Variants in HHAT observed in about 807,000 individuals in gnomAD.
HHAT encodes hedgehog acyltransferase, also known as protein-cysteine N-palmitoyltransferase HHAT.
HHAT carries 47 observed loss-of-function variants against 70.8 expected under a neutral mutation model. The ratio of observed to expected loss-of-function variants is 0.66; its 90% CI spans 0.53 to 0.85. The LOEUF (loss-of-function observed/expected upper bound fraction) is 0.85, where lower values mean the gene tolerates loss of function less well. Among genes scored for constraint, HHAT ranks in the 40% least tolerant of loss-of-function variants. The pLI is 0.00. For missense variants in HHAT, 609 were observed against 604.8 expected, an observed-to-expected ratio of 1.01 and a Z score of -0.07; for synonymous variants, 228 against 247.6, an observed-to-expected ratio of 0.92 and a Z score of 0.74.
intron 8 of HHAT, among the ~76,000 whole-genome samples, chr1:210,510,858 G>A (rs559158596): frequency 3.3e-5 from 5 of 152,076 alleles, no homozygotes; most frequent in South Asian, 4.2e-4. Flanking sequence ...TATATACTGC[G>A]GATCTCTGTG....
chr1:210,516,903 C>G (rs2095066296), intron 9 of HHAT, among the ~76,000 whole-genome samples: 1 of 152,204 alleles, frequency 6.6e-6, no homozygotes, highest in African/African-American at 2.4e-5. Context: ...TCCTTTTAAG[C>G]CTTGGAGTGC....
At chr1:210,505,884 T>C (rs2094844383) in intron 8 of HHAT, among the ~76,000 whole-genome samples, 3 of 152,214 alleles carry the variant, frequency 2.0e-5, no homozygotes, top group Admixed American at 6.5e-5. Context: ...TTGCCACTCC[T>C]GGCCATAGTC....
chr1:210,351,899 A>G (rs2087061175), intron 2 of HHAT, among the ~76,000 whole-genome samples: 1 of 152,312 alleles, frequency 6.6e-6, no homozygotes, highest in African/African-American at 2.4e-5. Flanking sequence ...GAAGGGAAGG[A>G]AAGACTGCAC....
chr1:210,404,677 C>A lies in HHAT; in HGVS notation c.682C>A (p.Gln228Lys). The change falls in exon 6 of 12, where the codon CAG (glutamine) becomes AAG (lysine). Residue 228 changes from glutamine to lysine, a missense_variant and splice_region_variant. Physicochemically the swap from Gln to Lys is moderately conservative, Grantham distance 53 (BLOSUM62 1). Coordinates refer to ENST00000261458, the MANE Select transcript of HHAT (RefSeq NM_018194.6). ...CCTCAGCTTCTCGGAGTTCATCAAA[C>A]AGGTAGAGCCCGCTGGGGATGGGAT... ...PILSFSEFIK[Q>K]MQQQEHDSLK... 1 of 1,610,970 alleles carries A rather than the reference C, an allele frequency of 6.2e-7. No homozygotes were observed. The highest frequency in any genetic ancestry group is 8.5e-7 in the Non-Finnish European group (1 of 1,177,320).
At chr1:210,631,059 G>C (rs1428744668) in intron 11 of HHAT, 1 of 456,664 alleles carries the variant, frequency 2.2e-6, no homozygotes, top group Non-Finnish European at 4.4e-6. Context: ...GGGCTTTCCT[G>C]TGTTTCTGCA....
At chr1:210,373,980 GT>G (rs1488367224) in intron 3 of HHAT, among the ~76,000 whole-genome samples, 3 of 152,198 alleles carry the variant, frequency 2.0e-5, no homozygotes, top group Admixed American at 1.3e-4. Context: ...ACCAGGGAAA[GT>G]TACACAGACT....
chr1:210,674,174 G>A, intron 11 of HHAT, 114 bp from the exon 12 acceptor site: 1 of 787,772 alleles, frequency 1.3e-6, no homozygotes. Context: ...GACTTTCCTG[G>A]AGGCCTTTGT....
intron 9 of HHAT, among the ~76,000 whole-genome samples, chr1:210,578,919 A>T (rs557711960): frequency 6.6e-6 from 1 of 152,206 alleles, no homozygotes; most frequent in Non-Finnish European, 1.5e-5. Context: ...AAAGCCCATC[A>T]ATGGCAGATT....
chr1:210,532,414 A>G (rs760216731), intron 9 of HHAT, among the ~76,000 whole-genome samples: 15 of 152,204 alleles, frequency 9.9e-5, no homozygotes, highest in Non-Finnish European at 8.8e-5. Flanking sequence ...GAGGCCCAAG[A>G]TTCCAGTCCT....
rs147869616 is a variant in HHAT, at chr1:210,623,545, A to G, written c.1265A>G (p.Gln422Arg). The change falls in exon 11 of 12, where the codon CAA (glutamine) becomes CGA (arginine). Residue 422 changes from glutamine to arginine, a missense_variant. Gln to Arg is a conservative substitution (Grantham distance 43). Coordinates refer to ENST00000261458, the MANE Select transcript of HHAT (RefSeq NM_018194.6). Reference protein sequence around the residue: ...QDSLARYFSPQARRRFHAALA... With the variant: ...QDSLARYFSPRARRRFHAALA... ...CCGTAGGCCCGATACTTCTCCCCAC[A>G]AGCTCGCCGTCGATTCCACGCTGCC... 97 of 1,613,798 alleles carry G rather than the reference A, an allele frequency of 6.0e-5. No individual in the cohort carries two copies. Among genetic ancestry groups the G allele is most frequent in the Non-Finnish European group, 8.0e-5 (94 of 1,179,972 alleles).
At chr1:210,528,445 T>G (rs2095276051) in intron 9 of HHAT, among the ~76,000 whole-genome samples, 1 of 152,184 alleles carries the variant, frequency 6.6e-6, no homozygotes, top group African/African-American at 2.4e-5. Flanking sequence ...AAGATCAAAG[T>G]CAGTTTTAGG....
intron 11 of HHAT, among the ~76,000 whole-genome samples, chr1:210,639,283 T>A (rs12759579): frequency 0.17 from 25,260 of 151,910 alleles, 2,411 homozygotes; most frequent in African/African-American, 0.24. Flanking sequence ...AAAAACAAAA[T>A]ACAAAAAAAA....
intron 8 of HHAT, among the ~76,000 whole-genome samples, chr1:210,489,572 T>C (rs1558619827): frequency 6.6e-6 from 1 of 152,244 alleles, no homozygotes; most frequent in Admixed American, 6.5e-5. Context: ...AGCTTGTCAG[T>C]TCCCCTTGAC....
At chr1:210,662,231 T>TG (rs1255351875) in intron 11 of HHAT, among the ~76,000 whole-genome samples, 1 of 152,154 alleles carries the variant, frequency 6.6e-6, no homozygotes, top group Non-Finnish European at 1.5e-5. Context: ...CAGCCTTCGG[T>TG]GGCACCTTCA....
chr1:210,410,492 G>T (rs1391006987), intron 6 of HHAT, among the ~76,000 whole-genome samples: 7 of 122,464 alleles, frequency 5.7e-5, no homozygotes, highest in Admixed American at 1.6e-4. Flanking sequence ...AAGTTGGATT[G>T]TTTTTCTTTT....
intron 8 of HHAT, among the ~76,000 whole-genome samples, chr1:210,480,562 G>T (rs2094379733): frequency 6.6e-6 from 1 of 152,188 alleles, no homozygotes; most frequent in African/African-American, 2.4e-5. Context: ...TAGTTACTAA[G>T]GATTAATGCA....
intron 9 of HHAT, among the ~76,000 whole-genome samples, chr1:210,517,819 A>G (rs2095084081): frequency 6.7e-6 from 1 of 149,190 alleles, no homozygotes; most frequent in Non-Finnish European, 1.5e-5. Context: ...AATTTTTGTC[A>G]GTTAAAAAAT....
chr1:210,460,434 C>T (rs2093955410), intron 7 of HHAT, among the ~76,000 whole-genome samples: 3 of 152,164 alleles, frequency 2.0e-5, no homozygotes, highest in African/African-American at 7.2e-5. Flanking sequence ...CACCTAGAAC[C>T]ATGCTTGGCA....
chr1:210,438,174 T>G (rs1406683601), intron 7 of HHAT, among the ~76,000 whole-genome samples: 3 of 149,578 alleles, frequency 2.0e-5, no homozygotes, highest in East Asian at 2.0e-4. Flanking sequence ...TTCTCCGTGT[T>G]TGTGTGTGTG....
Sources: allele counts gnomAD v4.1 joint callset (sites outside exome capture counted in the v4.1 genomes callset), GRCh38; gene constraint gnomAD v4.1.1; transcripts MANE v1.5; gene names NCBI Gene and HGNC (gene_info 2026-07-23, HGNC 2026-07-21).